Variants in RYR3 observed in about 807,000 individuals in gnomAD.
RYR3 encodes brain ryanodine receptor-calcium release channel.
A neutral mutation model predicts 584.3 loss-of-function variants in RYR3; 207 were observed. That is an observed-to-expected ratio of 0.35 (90% CI 0.32 to 0.40). The LOEUF (loss-of-function observed/expected upper bound fraction) is 0.40, where lower values mean the gene tolerates loss of function less well. RYR3 is among the 10% of genes least tolerant of loss of function. RYR3 has a pLI of 1.00. For synonymous variants in RYR3, 2,416 were observed against 2,248.5 expected (o/e 1.07, Z -2.11); for missense variants, 5,616 against 6,089.2 (o/e 0.92, Z 2.59).
At chr15:33,618,011 G>T (rs1868468218) in intron 19 of RYR3, among the ~76,000 whole-genome samples, 1 of 152,144 alleles carries the variant, frequency 6.6e-6, no homozygotes, top group Non-Finnish European at 1.5e-5. Context: ...TGAGGTATAT[G>T]TACCTTGTAG....
intron 43 of RYR3, among the ~76,000 whole-genome samples, chr15:33,721,562 C>T (rs911507555): frequency 1.3e-5 from 2 of 152,142 alleles, no homozygotes; most frequent in Non-Finnish European, 2.9e-5. Context: ...AGTTTTTCTT[C>T]AAGCTTCCAG....
rs747542785 is a variant in RYR3 at position 33,536,747 on chromosome 15, A to AAG, written c.434-2597_434-2596dup. On this transcript the variant is annotated intron_variant, in intron 5 of 103. Coordinates refer to ENST00000634891, the MANE Select transcript of RYR3 (RefSeq NM_001036.6). ...TGAAGTAGTACTCACACATAGATTA[A>AAG]AGAGAGAAATAGTGCTCCTGAGCTT... 1.8e-4 allele frequency among the ~76,000 whole-genome samples: 28 copies of AAG among 152,354 alleles called. No individual in the cohort carries two copies. The East Asian group carries it at 5.2e-3, about 28-fold the overall frequency.
intron 3 of RYR3, among the ~76,000 whole-genome samples, chr15:33,521,575 G>C (rs879595529): frequency 6.6e-5 from 10 of 152,096 alleles, no homozygotes; most frequent in Admixed American, 1.3e-4. Context: ...TAGTGGCAAA[G>C]TTTATGTATT....
chr15:33,857,945 A>C (rs201003658), intron 99 of RYR3, 31 bp downstream of exon 99: 1 of 1,461,390 alleles, frequency 6.8e-7, no homozygotes, highest in Non-Finnish European at 9.3e-7. Flanking sequence ...GGGCCAGCCC[A>C]CCCACTGCGG....
intron 20 of RYR3, among the ~76,000 whole-genome samples, chr15:33,625,310 C>A (rs1027834497): frequency 2.0e-5 from 3 of 152,170 alleles, no homozygotes; most frequent in East Asian, 3.9e-4. Flanking sequence ...AATTACAATT[C>A]GAGATGATAT....
intron 6 of RYR3, 78 bp downstream of exon 6, chr15:33,539,540 CCA>C: frequency 2.4e-6 from 2 of 827,884 alleles, no homozygotes. Flanking sequence ...AAGAACTGAG[CCA>C]CAGCAGGTTG....
At position 33,498,526 on chromosome 15, in the gene RYR3, T is replaced by C. The variant is rs146486547; in HGVS notation, c.172-5105T>C. 4.8e-3 allele frequency among the ~76,000 whole-genome samples: 734 copies of C among 152,230 alleles called. 2 individuals carry two copies. The highest frequency in any genetic ancestry group is 9.2e-3 in the Admixed American group (141 of 15,276). On this transcript the variant is annotated intron_variant, in intron 2 of 103. Transcript: ENST00000634891. ...GTGCTCATTTTGTAGTTGAGTTTTTTTGGCGGGGTGGGGAGGGGGCTGTTT... is the reference window on the plus strand; with the variant it reads ...GTGCTCATTTTGTAGTTGAGTTTTTCTGGCGGGGTGGGGAGGGGGCTGTTT...
At chr15:33,754,794 C>A (rs1158975698) in intron 57 of RYR3, among the ~76,000 whole-genome samples, 4 of 152,132 alleles carry the variant, frequency 2.6e-5, no homozygotes, top group Non-Finnish European at 5.9e-5. Flanking sequence ...CATGTAAATT[C>A]TTTCCGTAAG....
intron 57 of RYR3, among the ~76,000 whole-genome samples, chr15:33,750,776 G>C (rs551320099): frequency 2.6e-5 from 4 of 152,222 alleles, no homozygotes; most frequent in African/African-American, 9.6e-5. Flanking sequence ...AGAACGTGCA[G>C]GTTTGTTACA....
At chr15:33,465,645 A>G (rs948152071) in intron 1 of RYR3, 79 of 504,184 alleles carry the variant, frequency 1.6e-4, no homozygotes, top group African/African-American at 1.5e-3. Flanking sequence ...ATGCGATCTC[A>G]GGTTTTTAAA....
intron 36 of RYR3, among the ~76,000 whole-genome samples, chr15:33,664,937 C>G (rs1039866467): frequency 2.6e-5 from 4 of 152,020 alleles, no homozygotes; most frequent in African/African-American, 4.8e-5. Context: ...TTGAATGATA[C>G]CAGCCTGGCT....
At chr15:33,602,731 GTCTT>G (rs2059724846) in intron 17 of RYR3, among the ~76,000 whole-genome samples, 1 of 88,022 alleles carries the variant, frequency 1.1e-5, no homozygotes. Context: ...GCTTTTTCTA[GTCTT>G]TTTTTTTTTT....
Position 33,706,984 on chromosome 15 carries a change from T to C in RYR3, c.6549T>C (p.Pro2183=). ...SCPMLLAKGY[P]DVGWNPIEGE... is the part of the protein sequence containing the mutation. ...CCATGCTTCTGGCCAAAGGATACCC[T>C]GATGTCGGCTGGAACCCCATTGAAG... Residue 2183 remains proline (P), a synonymous_variant, in exon 43 of 104, where the codon CCT becomes CCC. Coordinates refer to ENST00000634891, the MANE Select transcript of RYR3 (RefSeq NM_001036.6). 6.2e-7 allele frequency: 1 copy of C among 1,613,732 alleles called. No individual in the cohort carries two copies. The highest frequency in any genetic ancestry group is 8.5e-7 in the Non-Finnish European group (1 of 1,179,840).
At chr15:33,631,613 C>T (rs2061268797) in intron 23 of RYR3, among the ~76,000 whole-genome samples, 1 of 152,168 alleles carries the variant, frequency 6.6e-6, no homozygotes, top group African/African-American at 2.4e-5. Flanking sequence ...TGGTTCCCAG[C>T]CATGACAGAG....
chr15:33,823,925 C>G (rs2077239578), intron 81 of RYR3, among the ~76,000 whole-genome samples: 1 of 152,118 alleles, frequency 6.6e-6, no homozygotes, highest in South Asian at 2.1e-4. Flanking sequence ...CATACTTTTG[C>G]TAACCATATT....
At chr15:33,817,294 C>A (rs144578612) in intron 75 of RYR3, among the ~76,000 whole-genome samples, 1 of 152,204 alleles carries the variant, frequency 6.6e-6, no homozygotes, top group Non-Finnish European at 1.5e-5. Context: ...CAAAGCCCCA[C>A]GTTCCTACTC....
chr15:33,329,979 G>A (rs535720656), intron 1 of RYR3, among the ~76,000 whole-genome samples: 3 of 152,154 alleles, frequency 2.0e-5, no homozygotes, highest in African/African-American at 7.2e-5. Context: ...GGGTGAAAGG[G>A]AGTGATCTTG....
In RYR3 at chr15:33,861,502, C is replaced by G. The variant is rs1862918; in HGVS notation, c.14465+324C>G. Among the ~76,000 whole-genome samples the G allele has an allele frequency of 7.3e-3, 1,094 of 149,944 alleles. 14 individuals carry two copies. Among genetic ancestry groups the G allele is most frequent in the African/African-American group, 0.025 (1,007 of 40,922 alleles). On this transcript the variant is annotated intron_variant, in intron 102 of 103. Coordinates refer to ENST00000634891, the MANE Select transcript of RYR3 (RefSeq NM_001036.6). ...ATGCTTTTTTTTTTTTAATCCTAAA[C>G]AAAGAAAAATCTGTGGCCCCACTTT...
rs2041937328 is a variant in RYR3 at position 33,390,662 on chromosome 15, T to C, written c.51+79566T>C. Among the ~76,000 whole-genome samples the C allele has an allele frequency of 6.6e-6, 1 of 152,184 alleles. No individual in the cohort carries two copies. The highest frequency in any genetic ancestry group is 2.4e-5 in the African/African-American group (1 of 41,454). On this transcript the variant is annotated intron_variant, in intron 1 of 103. Transcript: ENST00000634891. This position sits in a 1 kb window ranked among gnomAD's most constrained non-coding sequence, Gnocchi z 4.2. ...TGGGAACTTGGTACTTGTCCCATTC[T>C]CTAAGAAATCAGAGTGGTTCACTCT...
Sources: gnomAD v4.1 joint callset for allele counts (sites outside exome capture counted in the v4.1 genomes callset) on GRCh38, gnomAD v4.1.1 for gene constraint, Gnocchi (gnomAD v3.1) non-coding constraint, MANE v1.5 for transcripts, NCBI Gene and HGNC (gene_info 2026-07-23, HGNC 2026-07-21) for gene names.